Variants in EEIG2 observed in about 807,000 individuals in gnomAD.
EEIG2 encodes the protein EEIG family member 2.
At chr1:108,598,419 T>C in the EEIG2 span, among the ~76,000 whole-genome samples, 92 of 152,192 alleles carry the variant, frequency 6.0e-4, no homozygotes, top group African/African-American at 2.1e-3. Context: ...AATGTATTTA[T>C]TTTTGAGTGT....
the EEIG2 span, chr1:108,631,162 G>T: frequency 2.6e-6 from 1 of 389,838 alleles, no homozygotes. Context: ...ACTGTTTCTT[G>T]GGCCAATTTG....
chr1:108,634,118 T>C, the EEIG2 span, among the ~76,000 whole-genome samples: 1 of 152,192 alleles, frequency 6.6e-6, no homozygotes, highest in East Asian at 1.9e-4. Context: ...GGAGGGAAAA[T>C]CTGGTTCCTG....
the EEIG2 span, among the ~76,000 whole-genome samples, chr1:108,591,666 C>T: frequency 1.3e-5 from 2 of 152,106 alleles, no homozygotes; most frequent in African/African-American, 2.4e-5. Context: ...CTCTTTCCTG[C>T]CCCTCCCTGG....
chr1:108,624,875 T>C, the EEIG2 span: 2 of 699,564 alleles, frequency 2.9e-6, no homozygotes, highest in East Asian at 5.3e-5. Context: ...TTTAATTATG[T>C]AATTCTTGGT....
chr1:108,635,054 A>C, the EEIG2 span: 1 of 1,594,498 alleles, frequency 6.3e-7, no homozygotes, highest in Non-Finnish European at 8.6e-7. Flanking sequence ...TACTTGGAAC[A>C]GTTTCAAACA....
At chr1:108,612,325 A>G in the EEIG2 span, 1 of 1,438,676 alleles carries the variant, frequency 7.0e-7, no homozygotes, top group Non-Finnish European at 9.7e-7. Context: ...ACTTGTCAAG[A>G]ATAAAATTAT....
the EEIG2 span, among the ~76,000 whole-genome samples, chr1:108,617,160 A>T: frequency 6.6e-6 from 1 of 152,180 alleles, no homozygotes. Context: ...GAGGCGGGTG[A>T]TAGGAGATGA....
chr1:108,616,429 G>GCC, the EEIG2 span: 1 of 1,575,100 alleles, frequency 6.3e-7, no homozygotes, highest in Non-Finnish European at 8.7e-7. Flanking sequence ...GTTTTAAAAC[G>GCC]TAAGTTGATA....
chr1:108,604,329 G>A, the EEIG2 span, among the ~76,000 whole-genome samples: 4 of 152,182 alleles, frequency 2.6e-5, no homozygotes, highest in Non-Finnish European at 2.9e-5. Flanking sequence ...TGTGTTAGAT[G>A]AATCACAGAG....
the EEIG2 span, among the ~76,000 whole-genome samples, chr1:108,601,164 T>G: frequency 6.6e-6 from 1 of 152,108 alleles, no homozygotes; most frequent in African/African-American, 2.4e-5. Context: ...TCCAAGTCTG[T>G]TTTCTTTCCT....
At chr1:108,607,086 C>T in the EEIG2 span, among the ~76,000 whole-genome samples, 1 of 152,186 alleles carries the variant, frequency 6.6e-6, no homozygotes, top group African/African-American at 2.4e-5. Context: ...TCCTATGTTA[C>T]AAAACAAGGA....
chr1:108,636,186 C>G, the EEIG2 span: 4 of 152,132 alleles, frequency 2.6e-5, no homozygotes, highest in African/African-American at 9.7e-5. Flanking sequence ...TGTTTTGAAG[C>G]AAGAGTAGAA....
chr1:108,608,129 A>G, the EEIG2 span, among the ~76,000 whole-genome samples: 1 of 151,998 alleles, frequency 6.6e-6, no homozygotes, highest in East Asian at 1.9e-4. Context: ...CACACATACC[A>G]CCCTCACAAA....
chr1:108,601,873 G>T, the EEIG2 span, among the ~76,000 whole-genome samples: 1 of 152,168 alleles, frequency 6.6e-6, no homozygotes, highest in African/African-American at 2.4e-5. Context: ...GAAGCAATCA[G>T]TGACCAGCCA....
the EEIG2 span, among the ~76,000 whole-genome samples, chr1:108,564,404 A>T: frequency 6.6e-6 from 1 of 152,254 alleles, no homozygotes; most frequent in South Asian, 2.1e-4. Flanking sequence ...ACGCCACCAC[A>T]GAAGTAAAGA....
chr1:108,606,723 T>C, the EEIG2 span, among the ~76,000 whole-genome samples: 1 of 152,268 alleles, frequency 6.6e-6, no homozygotes, highest in Non-Finnish European at 1.5e-5. Context: ...GAAATTCACA[T>C]AGTCCTTTTG....
At chr1:108,564,368 A>C in the EEIG2 span, among the ~76,000 whole-genome samples, 1 of 152,228 alleles carries the variant, frequency 6.6e-6, no homozygotes, top group Non-Finnish European at 1.5e-5. Flanking sequence ...TGACTGATAA[A>C]TGATAATCTT....
chr1:108,602,535 TA>T, the EEIG2 span, among the ~76,000 whole-genome samples: 1 of 152,188 alleles, frequency 6.6e-6, no homozygotes, highest in Non-Finnish European at 1.5e-5. Flanking sequence ...TTTATAAGAA[TA>T]CCAGTCATAT....
At chr1:108,628,511 A>G in the EEIG2 span, 1 of 1,614,192 alleles carries the variant, frequency 6.2e-7, no homozygotes, top group Admixed American at 1.7e-5. Flanking sequence ...ATGTGATGAA[A>G]TTGAGCAGAA....
Sources: allele counts gnomAD v4.1 joint callset (sites outside exome capture counted in the v4.1 genomes callset), GRCh38; gene constraint gnomAD v4.1.1; transcripts MANE v1.5; gene names NCBI Gene and HGNC (gene_info 2026-07-23, HGNC 2026-07-21).